Variants in LY86 observed in about 807,000 individuals in gnomAD.
LY86 encodes the protein lymphocyte antigen 86.
In LY86, 20 loss-of-function variants were observed where a neutral mutation model predicts 17.3. That is an observed-to-expected ratio of 1.15 (90% CI 0.81 to 1.68). LY86 has a LOEUF of 1.68. Ranked by LOEUF, LY86 falls within the 40% of genes most tolerant of loss-of-function variation. The pLI, the probability that LY86 is intolerant of heterozygous loss-of-function variation, is 0.00. For missense variants in LY86, 200 were observed against 191.9 expected (o/e 1.04, Z -0.25); for synonymous variants, 74 against 70.6 (o/e 1.05, Z -0.24).
chr6:6,637,200 A>T (rs758782946), intron 3 of LY86, among the ~76,000 whole-genome samples: 3 of 151,994 alleles, frequency 2.0e-5, no homozygotes, highest in African/African-American at 7.2e-5. Context: ...TTTAGTAGAG[A>T]CAGGGTTTCA....
intron 1 of LY86, among the ~76,000 whole-genome samples, chr6:6,594,806 A>G (rs1760648192): frequency 6.6e-6 from 1 of 152,194 alleles, no homozygotes; most frequent in African/African-American, 2.4e-5. Context: ...AATCCTTACA[A>G]ACAGGTAGAT....
intron 1 of LY86, chr6:6,620,909 C>T (rs551582471): frequency 6.6e-6 from 1 of 152,394 alleles, no homozygotes; most frequent in African/African-American, 2.4e-5. Flanking sequence ...TGGCTGCTCT[C>T]CTAGAGCTCT....
At chr6:6,601,083 G>A (rs1046226148) in intron 1 of LY86, among the ~76,000 whole-genome samples, 9 of 152,174 alleles carry the variant, frequency 5.9e-5, no homozygotes, top group Non-Finnish European at 1.0e-4. Flanking sequence ...CAGAGTACAG[G>A]CTTGCTAGCA....
At chr6:6,605,627 C>T (rs1214394091) in intron 1 of LY86, among the ~76,000 whole-genome samples, 5 of 152,254 alleles carry the variant, frequency 3.3e-5, no homozygotes, top group Non-Finnish European at 7.3e-5. Flanking sequence ...TCAGAAGCAA[C>T]ATTCCAATGT....
chr6:6,612,877 T>G (rs1264120191), intron 1 of LY86, among the ~76,000 whole-genome samples: 3 of 151,696 alleles, frequency 2.0e-5, no homozygotes, highest in African/African-American at 4.9e-5. Context: ...TACATTCCCT[T>G]AGCTAGACAT....
chr6:6,607,433 A>T (rs1213410909), intron 1 of LY86, among the ~76,000 whole-genome samples: 1 of 152,240 alleles, frequency 6.6e-6, no homozygotes, highest in Non-Finnish European at 1.5e-5. Flanking sequence ...AAATTTTCAA[A>T]GGTAAGTACT....
chr6:6,632,173 C>A (rs1404822122), intron 3 of LY86, among the ~76,000 whole-genome samples: 1 of 152,122 alleles, frequency 6.6e-6, no homozygotes, highest in Non-Finnish European at 1.5e-5. Context: ...AAGACCTGTG[C>A]CAAAAAATTA....
chr6:6,598,918 AT>A (rs1760811847), intron 1 of LY86, among the ~76,000 whole-genome samples: 1 of 152,132 alleles, frequency 6.6e-6, no homozygotes, highest in African/African-American at 2.4e-5. Context: ...CTGTCTTTCC[AT>A]TTGTATATTC....
At chr6:6,603,001 A>C (rs970895311) in intron 1 of LY86, among the ~76,000 whole-genome samples, 1 of 152,160 alleles carries the variant, frequency 6.6e-6, no homozygotes, top group African/African-American at 2.4e-5. Context: ...ACAGTTCTAG[A>C]GGCCAGGGAG....
At chr6:6,616,011 C>G (rs1018572371) in intron 1 of LY86, among the ~76,000 whole-genome samples, 7 of 152,188 alleles carry the variant, frequency 4.6e-5, no homozygotes, top group African/African-American at 7.2e-5. Flanking sequence ...TATCTTCTTT[C>G]TAATAGACTC....
intron 1 of LY86, among the ~76,000 whole-genome samples, chr6:6,603,615 CAAACAAA>C (rs1218265644): frequency 1.8e-5 from 2 of 114,178 alleles, no homozygotes; most frequent in Middle Eastern, 5.4e-3. Context: ...GAAAAAAAAA[CAAACAAA>C]AAAAAACAAA....
chr6:6,606,799 C>A (rs893326854), intron 1 of LY86, among the ~76,000 whole-genome samples: 1 of 152,254 alleles, frequency 6.6e-6, no homozygotes, highest in South Asian at 2.1e-4. Context: ...TTCCCGCTTA[C>A]GCCTCTCCCT....
chr6:6,589,252 T>C (rs191035813), intron 1 of LY86, among the ~76,000 whole-genome samples: 1 of 152,334 alleles, frequency 6.6e-6, no homozygotes. Context: ...ACCGTACACC[T>C]GGGCTACCTT....
chr6:6,611,217 C>T (rs879488599), intron 1 of LY86, among the ~76,000 whole-genome samples: 11 of 152,274 alleles, frequency 7.2e-5, no homozygotes, highest in African/African-American at 2.4e-4. Context: ...ACGTGAAGTT[C>T]CCAGAATACA....
chr6:6,605,815 T>TA (rs1166660181), intron 1 of LY86, among the ~76,000 whole-genome samples: 2 of 150,936 alleles, frequency 1.3e-5, no homozygotes, highest in South Asian at 4.2e-4. Context: ...GTTCGTGGTC[T>TA]CGCTGGCTGA....
chr6:6,589,005 A>G (rs772399770), intron 1 of LY86, 135 bp downstream of exon 1: 20 of 1,182,712 alleles, frequency 1.7e-5, no homozygotes, highest in Non-Finnish European at 2.3e-5. Flanking sequence ...CACCTGCAGC[A>G]GGTCTGGGAG....
At chr6:6,606,226 A>G (rs903480613) in intron 1 of LY86, among the ~76,000 whole-genome samples, 4 of 152,240 alleles carry the variant, frequency 2.6e-5, no homozygotes, top group African/African-American at 7.2e-5. Context: ...GATTAGCTAG[A>G]TACAGAGTGT....
chr6:6,601,856 T>C (rs146641445), intron 1 of LY86, among the ~76,000 whole-genome samples: 82 of 152,296 alleles, frequency 5.4e-4, no homozygotes, highest in African/African-American at 1.9e-3. Flanking sequence ...ATGCCTGATT[T>C]CCTCATTTTT....
Position 6,614,605 on chromosome 6 carries a change from GT to G in LY86, c.137-10320del, listed in dbSNP as rs1391107233. Among the ~76,000 whole-genome samples, 12 of 152,186 alleles carry G rather than the reference GT, an allele frequency of 7.9e-5. No homozygotes were observed. In the East Asian group the frequency reaches 2.3e-3, roughly 29 times the overall value. ...TGGGAGTTTTTTGCAGGCGTGTCCT[GT>G]CTCATGCTCCCCATCCTCCGCTAGC... On this transcript the variant is annotated intron_variant, in intron 1 of 4. Transcript: ENST00000230568.
Sources: allele counts gnomAD v4.1 joint callset (sites outside exome capture counted in the v4.1 genomes callset), GRCh38; gene constraint gnomAD v4.1.1; transcripts MANE v1.5; gene names NCBI Gene and HGNC (gene_info 2026-07-23, HGNC 2026-07-21).